The following MPDZ variants were observed in gnomAD, a reference collection of about 807,000 sequenced individuals.
MPDZ encodes multiple PDZ domain crumbs cell polarity complex component, also known as multiple PDZ domain protein.
In MPDZ, 234 loss-of-function variants were observed where a neutral mutation model predicts 239.1. The observed-to-expected ratio is 0.98, with a 90% CI of 0.88 to 1.09. The LOEUF is 1.09. Among genes scored for constraint, MPDZ ranks in the 50% least tolerant of loss-of-function variants. The pLI is 0.00. For missense variants in MPDZ, 3,175 were observed against 2,510.0 expected (o/e 1.26, Z -5.66); for synonymous variants, 1,048 against 881.3 (o/e 1.19, Z -3.35).
Position 13,223,656 on chromosome 9 carries a change from AC to A in MPDZ, c.447del (p.Phe150LeufsTer6). The A allele has an allele frequency of 6.2e-7, 1 of 1,611,984 alleles. No homozygotes were observed. Among genetic ancestry groups the A allele is most frequent in the Non-Finnish European group, 8.5e-7 (1 of 1,178,880 alleles). ...ELLKPPSGGL[G>X]FSVVGLRSEN... is the part of the protein sequence containing the mutation. Reference sequence around the variant, plus strand: ...TCACTTCTTAGTCCCACAACACTAAACCCAAGGCCTCCAGATGGAGGTTTGA... The same window carrying A: ...TCACTTCTTAGTCCCACAACACTAAACCAAGGCCTCCAGATGGAGGTTTGA... On this transcript the variant is annotated frameshift_variant, in exon 5 of 47. Coordinates refer to ENST00000319217, the MANE Select transcript of MPDZ (RefSeq NM_001378778.1). LOFTEE classifies it high-confidence loss of function.
Position 13,122,085 on chromosome 9 carries a change from A to G in MPDZ, c.5037+2T>C, listed in dbSNP as rs1944437076. 6.2e-7 allele frequency: 1 copy of G among 1,613,812 alleles called. No individual in the cohort carries two copies. The highest frequency in any genetic ancestry group is 8.5e-7 in the Non-Finnish European group (1 of 1,179,774). On this transcript the variant is annotated splice_donor_variant, in intron 37 of 46. Coordinates refer to ENST00000319217, the MANE Select transcript of MPDZ (RefSeq NM_001378778.1). LOFTEE classifies it high-confidence loss of function. ...TGAAGGTCAAAAACAGGCATTCTATACCTCTAAGATCTGATCTCCAGCCCA... is the reference window on the plus strand; with the variant it reads ...TGAAGGTCAAAAACAGGCATTCTATGCCTCTAAGATCTGATCTCCAGCCCA...
At position 13,198,737 on chromosome 9, in the gene MPDZ, C is replaced by CTCTGTGTGTGTGTGTGTG. The variant is rs755487892; in HGVS notation, c.1547-2508_1547-2507insCACACACACACACACAGA. Among the ~76,000 whole-genome samples, 538 of 69,670 alleles carry CTCTGTGTGTGTGTGTGTG rather than the reference C, an allele frequency of 7.7e-3. 7 individuals carry two copies. Among genetic ancestry groups the CTCTGTGTGTGTGTGTGTG allele is most frequent in the Non-Finnish European group, 0.011 (386 of 34,424 alleles). The allele number at this position is 69,670 out of a possible 152,430, so 45.7% of individuals were successfully genotyped here. On this transcript the variant is annotated intron_variant, in intron 12 of 46. Coordinates refer to ENST00000319217, the MANE Select transcript of MPDZ (RefSeq NM_001378778.1). Reference sequence around the variant, plus strand: ...ATATTTAGGTCTTTAATCTCTCTCTCTGTGTGTGTGTGTGTGTGTGTGTGT... The same window carrying CTCTGTGTGTGTGTGTGTG: ...ATATTTAGGTCTTTAATCTCTCTCTCTCTGTGTGTGTGTGTGTGTGTGTGTGTGTGTGTGTGTGTGTGT...
rs1255260282 is a variant in MPDZ at position 13,223,699 on chromosome 9, T to C, written c.405A>G (p.Val135=). The part of the protein sequence containing the change: ...LIKNMAQGRH[V]EVFELLKPPS... ...GAGGTTTGAGGAGCTCAAAAACTTC[T>C]ACATGGCGACCCTGTTTAGGAAACA... Residue 135 remains valine, a synonymous_variant, in exon 5 of 47, where the codon GTA becomes GTG. Coordinates refer to ENST00000319217, the MANE Select transcript of MPDZ (RefSeq NM_001378778.1). 3.1e-6 allele frequency: 5 copies of C among 1,603,650 alleles called. No homozygotes were observed. The highest frequency in any genetic ancestry group is 4.3e-6 in the Non-Finnish European group (5 of 1,174,678).
intron 10 of MPDZ, among the ~76,000 whole-genome samples, chr9:13,209,341 A>T (rs1421335827): frequency 1.3e-5 from 2 of 152,196 alleles, no homozygotes; most frequent in Non-Finnish European, 2.9e-5. Flanking sequence ...AAACACAGAA[A>T]ACAAAAACAG....
In MPDZ at chr9:13,172,108, C is replaced by T. The variant is rs570542808; in HGVS notation, c.3056-3544G>A. Reference sequence around the variant, plus strand: ...ATTCGAAGTGCTATAGAAATCTGAACATTTAGCATCTCCTCTGAAATGAGG... The same window carrying T: ...ATTCGAAGTGCTATAGAAATCTGAATATTTAGCATCTCCTCTGAAATGAGG... On this transcript the variant is annotated intron_variant, in intron 21 of 46. Transcript: ENST00000319217. Among the ~76,000 whole-genome samples the T allele has an allele frequency of 4.6e-5, 7 of 152,276 alleles. No individual in the cohort carries two copies. The South Asian group carries it at 1.0e-3, about 23-fold the overall frequency.
rs763697590 is a variant in MPDZ, at chr9:13,119,544, G to A, written c.5337C>T (p.Asp1779=). The A allele has an allele frequency of 9.3e-6, 15 of 1,613,354 alleles. No individual in the cohort carries two copies. The highest frequency in any genetic ancestry group is 8.0e-5 in the African/African-American group (6 of 74,882). Residue 1779 remains aspartate (D), a synonymous_variant, in exon 39 of 47, where the codon GAC becomes GAT. Transcript: ENST00000319217. ...CCGCTTCTTGGGTGGCATTACGAAC[G>A]TCTTCCCCATTCACCATTAATATCT... ...GDQILMVNGE[D]VRNATQEAVA...
intron 1 of MPDZ, among the ~76,000 whole-genome samples, chr9:13,275,607 T>C (rs1042179056): frequency 2.6e-5 from 4 of 152,130 alleles, no homozygotes; most frequent in Non-Finnish European, 4.4e-5. Flanking sequence ...AACTGGGTAA[T>C]AGGTAATGGC....
intron 12 of MPDZ, among the ~76,000 whole-genome samples, chr9:13,199,953 G>C (rs1460616543): frequency 6.6e-6 from 1 of 151,964 alleles, no homozygotes; most frequent in Admixed American, 6.6e-5. Flanking sequence ...TAGAATCAGG[G>C]CAAGGCTGGC....
intron 1 of MPDZ, among the ~76,000 whole-genome samples, chr9:13,255,718 A>G (rs1238446462): frequency 1.3e-5 from 2 of 152,208 alleles, no homozygotes; most frequent in Non-Finnish European, 1.5e-5. Context: ...GGCTTAAAAC[A>G]TTCAGTAAAC....
At chr9:13,160,863 T>TAA in intron 23 of MPDZ, among the ~76,000 whole-genome samples, 1 of 125,712 alleles carries the variant, frequency 8.0e-6, no homozygotes, top group Non-Finnish European at 1.7e-5. Flanking sequence ...TATATATATA[T>TAA]ATATATAAAA....
At chr9:13,147,302 A>T (rs891607803) in intron 26 of MPDZ, among the ~76,000 whole-genome samples, 1 of 152,076 alleles carries the variant, frequency 6.6e-6, no homozygotes, top group Non-Finnish European at 1.5e-5. Context: ...CCATCTAGAT[A>T]CCTAGAGATA....
rs2131608583 is a variant in MPDZ, at chr9:13,121,800, G to A, written c.5170C>T (p.Leu1724Phe). The change falls in exon 38 of 47, where the codon CTC (leucine) becomes TTC (phenylalanine). Residue 1724 changes from leucine (L) to phenylalanine (F), a missense_variant. Physicochemically the swap from Leu to Phe is conservative, Grantham distance 22. Coordinates refer to ENST00000319217, the MANE Select transcript of MPDZ (RefSeq NM_001378778.1). ...GGCTTCTTCTGCAGCTCAATAGTGA[G>A]GGTGTCACACACTTCCTCCTCTTTG... The part of the protein sequence containing the change: ...PYKEEEVCDT[L>F]TIELQKKPGK... 1.2e-6 allele frequency: 2 copies of A among 1,613,910 alleles called. No individual in the cohort carries two copies. The highest frequency in any genetic ancestry group is 2.2e-5 in the East Asian group (1 of 44,878).
At position 13,119,513 on chromosome 9, in the gene MPDZ, C is replaced by T. The variant is rs757171783; in HGVS notation, c.5368G>A (p.Ala1790Thr). The change falls in exon 39 of 47, where the codon GCT becomes ACT. Residue 1790 changes from alanine (A) to threonine (T), a missense_variant. By Grantham distance (58) the Ala-to-Thr change is moderately conservative (BLOSUM62 0). Transcript: ENST00000319217. The stretch of plus-strand genomic sequence containing the variant: ...TTTGCATTTTTTACCTTTAGCAAAG[C>T]GGCAACCGCTTCTTGGGTGGCATTA... ...VRNATQEAVA[A>T]LLKCSLGTVT... The T allele has an allele frequency of 4.3e-6, 7 of 1,609,744 alleles. No homozygotes were observed. Among genetic ancestry groups the T allele is most frequent in the South Asian group, 1.1e-5 (1 of 89,878 alleles).
chr9:13,257,155 T>C, intron 1 of MPDZ, among the ~76,000 whole-genome samples: 1 of 152,190 alleles, frequency 6.6e-6, no homozygotes, highest in East Asian at 1.9e-4. Context: ...TCTGTTCCAA[T>C]AGGCTTAGCT....
intron 3 of MPDZ, among the ~76,000 whole-genome samples, chr9:13,225,985 C>T (rs1287181079): frequency 2.0e-5 from 3 of 152,064 alleles, no homozygotes; most frequent in Non-Finnish European, 4.4e-5. Context: ...TTCAGAGACT[C>T]TCTAAGACCT....
intron 1 of MPDZ, among the ~76,000 whole-genome samples, chr9:13,264,885 CTTAG>C (rs1480701665): frequency 7.2e-5 from 11 of 152,172 alleles, no homozygotes; most frequent in African/African-American, 2.7e-4. Context: ...TCTCTCACTC[CTTAG>C]TTAGACCCAA....
At chr9:13,239,428 T>C (rs987976158) in intron 3 of MPDZ, among the ~76,000 whole-genome samples, 6 of 152,168 alleles carry the variant, frequency 3.9e-5, no homozygotes, top group Middle Eastern at 3.2e-3. Flanking sequence ...GTTGTAATGA[T>C]GAAACCATTA....
At chr9:13,246,029 T>G (rs145919828) in intron 3 of MPDZ, among the ~76,000 whole-genome samples, 10 of 138,576 alleles carry the variant, frequency 7.2e-5, no homozygotes, top group Non-Finnish European at 1.1e-4. Context: ...ATATTAAGAA[T>G]AGAAGATATC....
At chr9:13,270,857 A>C (rs1972795409) in intron 1 of MPDZ, among the ~76,000 whole-genome samples, 3 of 152,160 alleles carry the variant, frequency 2.0e-5, no homozygotes, top group Admixed American at 1.3e-4. Context: ...TAATTTCAGC[A>C]CCAAATTACT....
Sources: allele counts gnomAD v4.1 joint callset (sites outside exome capture counted in the v4.1 genomes callset), GRCh38; gene constraint gnomAD v4.1.1; transcripts MANE v1.5; gene names NCBI Gene and HGNC (gene_info 2026-07-23, HGNC 2026-07-21).